The following ADARB2 variants were observed in gnomAD, a reference collection of about 807,000 sequenced individuals.
The protein encoded by ADARB2 is inactive double-stranded RNA-specific editase B2.
In ADARB2, 25 loss-of-function variants were observed where a neutral mutation model predicts 62.2. The observed-to-expected ratio is 0.40, with a 90% CI of 0.29 to 0.56. The LOEUF is 0.56. ADARB2 is among the 20% of genes least tolerant of loss of function. The pLI, the probability that ADARB2 is intolerant of heterozygous loss-of-function variation, is 0.43. For synonymous variants in ADARB2, 572 were observed against 500.8 expected, an observed-to-expected ratio of 1.14 and a Z score of -1.90; for missense variants, 1,071 against 1,077.4, an observed-to-expected ratio of 0.99 and a Z score of 0.08.
intron 1 of ADARB2, among the ~76,000 whole-genome samples, chr10:1,411,234 G>T (rs1832756770): frequency 6.6e-6 from 1 of 152,202 alleles, no homozygotes; most frequent in African/African-American, 2.4e-5. Flanking sequence ...GCACCTGTCT[G>T]CTCCAGGCTG....
Position 1,372,703 on chromosome 10 carries a change from T to C in ADARB2, c.187+6371A>G, listed in dbSNP as rs574048636. ...ATGCATTTATTTGCACTTGGAACAA[T>C]TCAAATAGACAGTTCAAAATAGAGT... On this transcript the variant is annotated intron_variant, in intron 2 of 9. Coordinates refer to ENST00000381312, the MANE Select transcript of ADARB2 (RefSeq NM_018702.4). Among the ~76,000 whole-genome samples the C allele has an allele frequency of 1.1e-4, 17 of 152,258 alleles. No homozygotes were observed. The South Asian group carries it at 3.5e-3, about 32-fold the overall frequency.
chr10:1,569,990 T>C (rs1432140630), intron 1 of ADARB2, among the ~76,000 whole-genome samples: 2 of 152,214 alleles, frequency 1.3e-5, no homozygotes, highest in African/African-American at 2.4e-5. Context: ...TACTAAACCA[T>C]GTCTGGGAAC....
intron 1 of ADARB2, among the ~76,000 whole-genome samples, chr10:1,389,355 G>C (rs1832549803): frequency 6.6e-6 from 1 of 152,138 alleles, no homozygotes; most frequent in South Asian, 2.1e-4. Flanking sequence ...TAAAAGGAAT[G>C]GATAGATTGG....
intron 1 of ADARB2, among the ~76,000 whole-genome samples, chr10:1,658,668 G>T (rs1341078562): frequency 1.3e-5 from 2 of 152,238 alleles, no homozygotes; most frequent in Non-Finnish European, 2.9e-5. Context: ...GCTGGTGTCT[G>T]CATCAGGAGG....
At chr10:1,685,896 G>A (rs1834591324) in intron 1 of ADARB2, among the ~76,000 whole-genome samples, 1 of 152,162 alleles carries the variant, frequency 6.6e-6, no homozygotes, top group African/African-American at 2.4e-5. Flanking sequence ...GTATGTGCAG[G>A]GCGGACGTGG....
chr10:1,716,975 C>T (rs923159837), intron 1 of ADARB2, among the ~76,000 whole-genome samples: 3 of 152,074 alleles, frequency 2.0e-5, no homozygotes, highest in African/African-American at 7.2e-5. Flanking sequence ...TCCTAGAGAG[C>T]ATTAGAGAGC....
intron 1 of ADARB2, among the ~76,000 whole-genome samples, chr10:1,543,357 C>A (rs1302416335): frequency 6.6e-6 from 1 of 152,238 alleles, no homozygotes; most frequent in African/African-American, 2.4e-5. Flanking sequence ...ATGCTGGGAA[C>A]ACATTTTAAA....
At chr10:1,318,260 C>T (rs764517614) in intron 3 of ADARB2, among the ~76,000 whole-genome samples, 16 of 151,952 alleles carry the variant, frequency 1.1e-4, no homozygotes, top group South Asian at 2.1e-4. Context: ...GTAACAGGAA[C>T]GTGGTAAAGC....
chr10:1,332,455 T>C (rs1831937609), intron 3 of ADARB2, among the ~76,000 whole-genome samples: 1 of 147,344 alleles, frequency 6.8e-6, no homozygotes, highest in Non-Finnish European at 1.5e-5. Flanking sequence ...AAAGAGTAGA[T>C]AGACTGGCTA....
intron 8 of ADARB2, among the ~76,000 whole-genome samples, chr10:1,187,167 G>A (rs1441106253): frequency 6.6e-6 from 1 of 152,214 alleles, no homozygotes; most frequent in African/African-American, 2.4e-5. Flanking sequence ...AGTGATTCAC[G>A]GTGGCAGCTG....
intron 1 of ADARB2, among the ~76,000 whole-genome samples, chr10:1,645,316 C>A (rs1469290047): frequency 6.6e-6 from 1 of 152,202 alleles, no homozygotes; most frequent in African/African-American, 2.4e-5. Flanking sequence ...TCCAAAAAGA[C>A]TGATTCTATA....
At chr10:1,693,258 T>G (rs1368105060) in intron 1 of ADARB2, among the ~76,000 whole-genome samples, 1 of 152,178 alleles carries the variant, frequency 6.6e-6, no homozygotes, top group Non-Finnish European at 1.5e-5. Context: ...CGCTTCATTT[T>G]CCACATGAAC....
chr10:1,306,363 G>T (rs1303928734), intron 3 of ADARB2, among the ~76,000 whole-genome samples: 2 of 151,742 alleles, frequency 1.3e-5, no homozygotes, highest in Non-Finnish European at 2.9e-5. Context: ...GGATGTGAAG[G>T]ACCTCTTCAA....
intron 6 of ADARB2, among the ~76,000 whole-genome samples, chr10:1,220,348 T>G (rs57293310): frequency 0.99 from 147,873 of 149,938 alleles, 72,912 homozygotes; most frequent in Middle Eastern, 1. Flanking sequence ...TGATGGTGAT[T>G]GTGGTGATGA....
At chr10:1,680,145 G>A (rs1834517456) in intron 1 of ADARB2, among the ~76,000 whole-genome samples, 1 of 151,870 alleles carries the variant, frequency 6.6e-6, no homozygotes, top group Non-Finnish European at 1.5e-5. Context: ...TCTTTCCTGT[G>A]TAACCCGCCA....
chr10:1,402,326 A>G (rs1236797693), intron 1 of ADARB2, among the ~76,000 whole-genome samples: 2 of 152,068 alleles, frequency 1.3e-5, no homozygotes, highest in East Asian at 3.9e-4. Context: ...TTGCTCATCA[A>G]CCGCTATTCT....
chr10:1,537,507 G>A (rs1588292496), intron 1 of ADARB2, among the ~76,000 whole-genome samples: 2 of 152,298 alleles, frequency 1.3e-5, no homozygotes, highest in East Asian at 3.9e-4. Flanking sequence ...AAAGACACAT[G>A]CACACGTATG....
chr10:1,695,288 T>G (rs1325218225), intron 1 of ADARB2, among the ~76,000 whole-genome samples: 2 of 152,150 alleles, frequency 1.3e-5, no homozygotes, highest in Admixed American at 6.5e-5. Context: ...CCGTGTACTT[T>G]GAGAACCCCC....
At chr10:1,248,695 A>G (rs1360971842) in intron 4 of ADARB2, among the ~76,000 whole-genome samples, 2 of 152,262 alleles carry the variant, frequency 1.3e-5, no homozygotes, top group African/African-American at 2.4e-5. Context: ...GCATCACTCC[A>G]TACATAGTGG....
Sources: gnomAD v4.1 joint callset for allele counts (sites outside exome capture counted in the v4.1 genomes callset) on GRCh38, gnomAD v4.1.1 for gene constraint, MANE v1.5 for transcripts, NCBI Gene and HGNC (gene_info 2026-07-23, HGNC 2026-07-21) for gene names.